The following TPST1 variants were observed in gnomAD, a reference collection of about 807,000 sequenced individuals.
TPST1 encodes the protein tyrosylprotein sulfotransferase 1, also known as protein-tyrosine sulfotransferase 1.
Under a neutral mutation model 34.8 loss-of-function variants are expected in TPST1, and 20 were observed. The ratio of observed to expected loss-of-function variants is 0.57; its 90% CI spans 0.40 to 0.84. TPST1 has a LOEUF of 0.84. TPST1 is among the 40% of genes least tolerant of loss of function. TPST1 has a pLI of 0.00. For synonymous variants in TPST1, 152 were observed against 159.4 expected (o/e 0.95, Z 0.35); for missense variants, 353 against 455.5 (o/e 0.78, Z 2.05).
chr7:66,229,540 A>G (rs1489559276), intron 1 of TPST1, among the ~76,000 whole-genome samples: 1 of 152,126 alleles, frequency 6.6e-6, no homozygotes, highest in Non-Finnish European at 1.5e-5. Flanking sequence ...ATTCAGATTA[A>G]CTCATTGGAT....
At chr7:66,318,884 A>G (rs1231110626) in intron 3 of TPST1, among the ~76,000 whole-genome samples, 2 of 152,222 alleles carry the variant, frequency 1.3e-5, no homozygotes, top group East Asian at 1.9e-4. Context: ...GTTTATAGTA[A>G]TCTTCCATCA....
chr7:66,312,661 A>C (rs1310575114), intron 3 of TPST1, among the ~76,000 whole-genome samples: 1 of 152,220 alleles, frequency 6.6e-6, no homozygotes, highest in Admixed American at 6.5e-5. Flanking sequence ...TAAGTCGATC[A>C]TTGATTGTAT....
Position 66,346,682 on chromosome 7 carries a change from C to T in TPST1, c.1045-5823C>T, listed in dbSNP as rs183354420. Among the ~76,000 whole-genome samples, 31 of 152,104 alleles carry T rather than the reference C, an allele frequency of 2.0e-4. No individual in the cohort carries two copies. In the Middle Eastern group the frequency reaches 0.01, roughly 50 times the overall value. ...TTTGCCCATTTTTTATTGTATTATT[C>T]GATTTTTTATTGACTTGTTTGAGCT... On this transcript the variant is annotated intron_variant, in intron 3 of 5. Transcript: ENST00000304842.
chr7:66,326,644 C>T (rs1345800793), intron 3 of TPST1, among the ~76,000 whole-genome samples: 3 of 152,192 alleles, frequency 2.0e-5, no homozygotes, highest in African/African-American at 7.2e-5. Flanking sequence ...TTCCTCTGTA[C>T]TACTTTCTGT....
At chr7:66,356,993 C>T in intron 5 of TPST1, 122 bp downstream of exon 5, 6 of 856,824 alleles carry the variant, frequency 7.0e-6, no homozygotes, top group Non-Finnish European at 1.1e-5. Context: ...AATCCTGCCT[C>T]TTCACTTTCT....
chr7:66,268,932 C>T (rs1790644478), intron 2 of TPST1, among the ~76,000 whole-genome samples: 1 of 152,214 alleles, frequency 6.6e-6, no homozygotes, highest in African/African-American at 2.4e-5. Flanking sequence ...ATCCGCCTGC[C>T]TTGGCCTCCC....
At chr7:66,298,306 C>T (rs1438333167) in intron 3 of TPST1, among the ~76,000 whole-genome samples, 1 of 152,044 alleles carries the variant, frequency 6.6e-6, no homozygotes, top group African/African-American at 2.4e-5. Flanking sequence ...AATTTTGTTT[C>T]ATGTATTTAG....
chr7:66,278,100 CAAAAAAAAAAAAAA>C (rs35654351), intron 2 of TPST1, among the ~76,000 whole-genome samples: 4 of 50,258 alleles, frequency 8.0e-5, no homozygotes, highest in Admixed American at 3.5e-4. Flanking sequence ...GACTCCATCT[CAAAAAAAAAAAAAA>C]AAAAAAAAAA....
At chr7:66,306,399 G>A (rs1791424141) in intron 3 of TPST1, among the ~76,000 whole-genome samples, 1 of 152,214 alleles carries the variant, frequency 6.6e-6, no homozygotes, top group African/African-American at 2.4e-5. Flanking sequence ...CCGTGTAGGT[G>A]CATACATAAA....
chr7:66,267,500 A>C (rs1316781139), intron 2 of TPST1, among the ~76,000 whole-genome samples: 1 of 152,212 alleles, frequency 6.6e-6, no homozygotes, highest in East Asian at 1.9e-4. Flanking sequence ...CCAAACACCA[A>C]GATGTTGCTA....
intron 4 of TPST1, chr7:66,352,986 A>G: frequency 2.0e-6 from 2 of 985,310 alleles, no homozygotes; most frequent in Non-Finnish European, 2.4e-6. Context: ...TTATATATAC[A>G]CATAGTCACT....
intron 1 of TPST1, among the ~76,000 whole-genome samples, chr7:66,227,729 A>ATTT (rs34385620): frequency 9.5e-5 from 14 of 147,810 alleles, no homozygotes; most frequent in South Asian, 8.6e-4. Context: ...GAGCCAACAG[A>ATTT]TTTTTTTTTT....
chr7:66,251,896 T>C (rs768536757), intron 2 of TPST1, among the ~76,000 whole-genome samples: 3 of 152,152 alleles, frequency 2.0e-5, no homozygotes, highest in Non-Finnish European at 4.4e-5. Flanking sequence ...TTCTCTGGTA[T>C]AATATAGATT....
chr7:66,217,004 T>A (rs1789427000), intron 1 of TPST1, among the ~76,000 whole-genome samples: 1 of 151,598 alleles, frequency 6.6e-6, no homozygotes, highest in South Asian at 2.1e-4. Context: ...TTTCCCAAAC[T>A]TTTTTTTTGG....
At chr7:66,294,957 G>A (rs1791163268) in intron 3 of TPST1, among the ~76,000 whole-genome samples, 1 of 151,998 alleles carries the variant, frequency 6.6e-6, no homozygotes, top group Non-Finnish European at 1.5e-5. Flanking sequence ...AATTCTTTCT[G>A]AAGCACAGTA....
At chr7:66,259,451 T>G (rs1790442756) in intron 2 of TPST1, among the ~76,000 whole-genome samples, 2 of 152,202 alleles carry the variant, frequency 1.3e-5, no homozygotes, top group South Asian at 4.1e-4. Flanking sequence ...TTTTATAGTT[T>G]ATATAAAATT....
intron 2 of TPST1, among the ~76,000 whole-genome samples, chr7:66,266,130 C>G (rs1368838543): frequency 6.6e-6 from 1 of 152,180 alleles, no homozygotes; most frequent in African/African-American, 2.4e-5. Context: ...AGGAGACCGT[C>G]CAATAATCAA....
Position 66,263,390 on chromosome 7 carries a change from G to A in TPST1, c.845+22120G>A, listed in dbSNP as rs139230727. Among the ~76,000 whole-genome samples, 38 of 152,266 alleles carry A rather than the reference G, an allele frequency of 2.5e-4. No individual in the cohort carries two copies. The East Asian group carries it at 7.3e-3, about 29-fold the overall frequency. On this transcript the variant is annotated intron_variant, in intron 2 of 5. Transcript: ENST00000304842. ...GTTAGTACATTCTGTTTTCTGCAGT[G>A]GTAACTCTTTCTGGCCTAATTGCTC... is the stretch of plus-strand genomic sequence containing the variant.
chr7:66,301,965 A>T (rs1032182590), intron 3 of TPST1, among the ~76,000 whole-genome samples: 2 of 152,212 alleles, frequency 1.3e-5, no homozygotes, highest in Non-Finnish European at 2.9e-5. Context: ...AAAAAACACA[A>T]CATCTGCAAA....
Sources: gnomAD v4.1 joint callset for allele counts (sites outside exome capture counted in the v4.1 genomes callset) on GRCh38, gnomAD v4.1.1 for gene constraint, MANE v1.5 for transcripts, NCBI Gene and HGNC (gene_info 2026-07-23, HGNC 2026-07-21) for gene names.